IL6ST: variants seen among roughly 807,000 people sequenced by gnomAD.
IL6ST encodes interleukin 6 cytokine family signal transducer.
A neutral mutation model predicts 91.3 loss-of-function variants in IL6ST; 24 were observed. The observed-to-expected ratio is 0.26, with a 90% CI of 0.19 to 0.37. IL6ST has a LOEUF of 0.37. Among genes scored for constraint, IL6ST ranks in the 10% least tolerant of loss-of-function variants. The pLI is 1.00. For synonymous variants in IL6ST, 351 were observed against 373.6 expected, an observed-to-expected ratio of 0.94 and a Z score of 0.70; for missense variants, 914 against 1,078.5, an observed-to-expected ratio of 0.85 and a Z score of 2.14.
intron 14 of IL6ST, among the ~76,000 whole-genome samples, chr5:55,948,450 A>G (rs1751413687): frequency 6.6e-6 from 1 of 152,110 alleles, no homozygotes; most frequent in Non-Finnish European, 1.5e-5. Flanking sequence ...CTAACATCCT[A>G]TGAAGCTCAG....
At chr5:55,984,783 C>T (rs1037449031) in intron 1 of IL6ST, among the ~76,000 whole-genome samples, 4 of 151,000 alleles carry the variant, frequency 2.6e-5, no homozygotes, top group African/African-American at 9.8e-5. Context: ...AAATACAACA[C>T]AAACTGAAAA....
intron 2 of IL6ST, among the ~76,000 whole-genome samples, chr5:55,977,539 C>A (rs564887942): frequency 6.6e-6 from 1 of 152,184 alleles, no homozygotes; most frequent in South Asian, 2.1e-4. Flanking sequence ...AGACTCTATA[C>A]ATTTGGCAGG....
chr5:55,942,504 T>A (rs1426761237), intron 16 of IL6ST, among the ~76,000 whole-genome samples, 166 bp downstream of exon 16: 1 of 152,204 alleles, frequency 6.6e-6, no homozygotes, highest in Admixed American at 6.5e-5. Context: ...TTGATTAAAA[T>A]TTTCAGTTAT....
In IL6ST at chr5:55,969,774, A is replaced by G. The variant is rs1199553318; in HGVS notation, c.146T>C (p.Val49Ala). 6.2e-7 allele frequency: 1 copy of G among 1,611,346 alleles called. No homozygotes were observed. The highest frequency in any genetic ancestry group is 1.7e-5 in the Admixed American group (1 of 60,020). Residue 49 changes from valine (V) to alanine (A), a missense_variant, in exon 4 of 17, where the codon GTG (valine) becomes GCG (alanine). Physicochemically the swap from Val to Ala is moderately conservative, Grantham distance 64. Coordinates refer to ENST00000381298, the MANE Select transcript of IL6ST (RefSeq NM_002184.4). Reference sequence around the variant, plus strand: ...ATAATCCATACATTTTTCCTTTAGCACACAAACTGCAGTGAAATTAGAATG... The same window carrying G: ...ATAATCCATACATTTTTCCTTTAGCGCACAAACTGCAGTGAAATTAGAATG... ...QLHSNFTAVC[V>A]LKEKCMDYFH...
chr5:55,940,071 T>C lies in IL6ST; in HGVS notation c.*1011A>G. ...ACAAATTTAAGCTGAAGATATATAC[T>C]GTATAAAGTGTTCATCTACCCAGTA... On this transcript the variant is annotated 3_prime_UTR_variant, in exon 17 of 17. Coordinates refer to ENST00000381298, the MANE Select transcript of IL6ST (RefSeq NM_002184.4). 1 of 197,096 alleles carries C rather than the reference T, an allele frequency of 5.1e-6. No homozygotes were observed. The highest frequency in any genetic ancestry group is 1.1e-5 in the Non-Finnish European group (1 of 94,784). The allele number at this position is 197,096 out of a possible 1,614,324, so 12.2% of individuals were successfully genotyped here. A position where few individuals can be genotyped will look rare whatever the true frequency, so the allele number is the denominator to read the frequency against.
intron 1 of IL6ST, among the ~76,000 whole-genome samples, chr5:55,984,612 TGA>T (rs1244585267): frequency 2.6e-5 from 4 of 152,120 alleles, no homozygotes; most frequent in Admixed American, 6.5e-5. Context: ...TCCAAAACCT[TGA>T]GAGAATAAAT....
At position 55,935,775 on chromosome 5, in the gene IL6ST, AAT is replaced by A. The variant is rs1257302702; in HGVS notation, c.*5305_*5306del. 3 of 216,856 alleles carry A rather than the reference AAT, an allele frequency of 1.4e-5. No homozygotes were observed. The highest frequency in any genetic ancestry group is 2.8e-5 in the Non-Finnish European group (3 of 107,850). 13.4% of individuals were successfully genotyped at this position (216,856 alleles called of 1,614,324 possible). A position where few individuals can be genotyped will look rare whatever the true frequency, so the allele number is the denominator to read the frequency against. On this transcript the variant is annotated 3_prime_UTR_variant, in exon 17 of 17. Transcript: ENST00000381298. ...TATTAATTTAAAAAGAAAAAGCTTAAATGGAAAGTTAAGCAATCCTGAACAAG... is the reference window on the plus strand; with the variant it reads ...TATTAATTTAAAAAGAAAAAGCTTAAGGAAAGTTAAGCAATCCTGAACAAG...
intron 5 of IL6ST, among the ~76,000 whole-genome samples, chr5:55,967,815 G>C (rs1752725648): frequency 6.6e-6 from 1 of 151,384 alleles, no homozygotes; most frequent in Non-Finnish European, 1.5e-5. Context: ...TATTTTTTTT[G>C]AGATGGAGTC....
At chr5:55,986,022 A>C (rs1468565640) in intron 1 of IL6ST, among the ~76,000 whole-genome samples, 1 of 152,220 alleles carries the variant, frequency 6.6e-6, no homozygotes, top group African/African-American at 2.4e-5. Flanking sequence ...TGCTACCACC[A>C]CACTGTCGTG....
chr5:55,939,089 T>G lies in IL6ST; in HGVS notation c.*1993A>C. 4.8e-6 allele frequency: 1 copy of G among 206,646 alleles called. No homozygotes were observed. The highest frequency in any genetic ancestry group is 7.4e-5 in the East Asian group (1 of 13,522). 12.8% of individuals were successfully genotyped at this position (206,646 alleles called of 1,614,324 possible). A position where few individuals can be genotyped will look rare whatever the true frequency, so the allele number is the denominator to read the frequency against. On this transcript the variant is annotated 3_prime_UTR_variant, in exon 17 of 17. Transcript: ENST00000381298. ...TTATGAGGAAAGTTGCAGCTAAATA[T>G]TAGTCATGTGACTTAAATTTTGAGA... is the stretch of plus-strand genomic sequence containing the variant.
intron 6 of IL6ST, 103 bp downstream of exon 6, chr5:55,964,042 TA>T: frequency 1.9e-6 from 1 of 527,834 alleles, no homozygotes; most frequent in Non-Finnish European, 3.1e-6. Flanking sequence ...AATTAAAATC[TA>T]AAAATCTACA....
At chr5:55,984,058 A>G (rs1753814644) in intron 1 of IL6ST, among the ~76,000 whole-genome samples, 1 of 151,384 alleles carries the variant, frequency 6.6e-6, no homozygotes. Flanking sequence ...GCTAGCAAAC[A>G]TTTTCTGTAA....
At chr5:55,991,884 C>T (rs1754354972) in intron 1 of IL6ST, among the ~76,000 whole-genome samples, 1 of 152,140 alleles carries the variant, frequency 6.6e-6, no homozygotes, top group Non-Finnish European at 1.5e-5. Context: ...AGTTTCCAAA[C>T]TGCAAAGCAA....
At chr5:55,946,179 C>T (rs1448872231) in intron 15 of IL6ST, among the ~76,000 whole-genome samples, 1 of 152,062 alleles carries the variant, frequency 6.6e-6, no homozygotes, top group African/African-American at 2.4e-5. Context: ...AAAATTAAAA[C>T]GATATAGTAC....
In IL6ST at chr5:55,935,827, TAGAG is replaced by T. The variant is rs554957707; in HGVS notation, c.*5251_*5254del. ...GAAAACTCTCTCACTGCCTTTGGGC[TAGAG>T]AAAGAGTATGCTCTCAAGGAGTTAC... On this transcript the variant is annotated 3_prime_UTR_variant, in exon 17 of 17. Coordinates refer to ENST00000381298, the MANE Select transcript of IL6ST (RefSeq NM_002184.4). The T allele has an allele frequency of 4.5e-3, 982 of 217,902 alleles. 4 individuals are homozygous for T. Among genetic ancestry groups the T allele is most frequent in the Non-Finnish European group, 7.5e-3 (815 of 108,390 alleles). 13.5% of individuals were successfully genotyped at this position (217,902 alleles called of 1,614,324 possible). A position where few individuals can be genotyped will look rare whatever the true frequency, so the allele number is the denominator to read the frequency against.
chr5:55,963,776 A>T (rs912087610), intron 6 of IL6ST, among the ~76,000 whole-genome samples: 6 of 152,166 alleles, frequency 3.9e-5, no homozygotes, highest in African/African-American at 1.4e-4. Context: ...TCAAATTTTT[A>T]AAAAAGAATA....
chr5:55,968,305 C>T lies in IL6ST; in HGVS notation c.462G>A (p.Leu154=), dbSNP rs921935925. ...CAGATTTTAAAGTGAAGTTTGTCTC[C>T]AAGTGTGTTTCCCTTCCACCATCCC... ...CEWDGGRETH[L]ETNFTLKSEW... Residue 154 remains leucine (L), a synonymous_variant, in exon 5 of 17, where the codon TTG becomes TTA. Coordinates refer to ENST00000381298, the MANE Select transcript of IL6ST (RefSeq NM_002184.4). The T allele has an allele frequency of 1.9e-6, 3 of 1,597,362 alleles. No individual in the cohort carries two copies. In the Admixed American group the frequency reaches 5.4e-5, roughly 29 times the overall value.
intron 2 of IL6ST, among the ~76,000 whole-genome samples, chr5:55,981,932 T>C (rs938800914): frequency 2.0e-5 from 3 of 152,316 alleles, no homozygotes; most frequent in African/African-American, 7.2e-5. Context: ...TCCTCAACTA[T>C]GGTGATATAA....
intron 15 of IL6ST, among the ~76,000 whole-genome samples, chr5:55,946,541 T>C (rs1469861978): frequency 1.3e-5 from 2 of 152,118 alleles, no homozygotes; most frequent in Non-Finnish European, 2.9e-5. Context: ...GTAGGCCAGG[T>C]GTGGTGACTC....
Sources: gnomAD v4.1 joint callset for allele counts (sites outside exome capture counted in the v4.1 genomes callset) on GRCh38, gnomAD v4.1.1 for gene constraint, MANE v1.5 for transcripts, NCBI Gene and HGNC (gene_info 2026-07-23, HGNC 2026-07-21) for gene names.